The following PHACTR2 variants were observed in gnomAD, a reference collection of about 807,000 sequenced individuals.
PHACTR2 encodes phosphatase and actin regulator 2, also known as chromosome 6 open reading frame 56.
A neutral mutation model predicts 76.0 loss-of-function variants in PHACTR2; 30 were observed. The observed-to-expected ratio is 0.39, with a 90% CI of 0.30 to 0.54. PHACTR2 has a LOEUF of 0.54. PHACTR2 is among the 20% of genes least tolerant of loss of function. The probability of loss-of-function intolerance (pLI) is 0.61; values close to 1 mark genes in which losing one functional copy is unlikely to be tolerated. For synonymous variants in PHACTR2, 292 were observed against 292.5 expected (o/e 1.00, Z 0.02); for missense variants, 696 against 781.1 (o/e 0.89, Z 1.30).
At position 143,647,040 on chromosome 6, in the gene PHACTR2, A is replaced by T. The variant is rs1030637937; in HGVS notation, c.13+38718A>T. On this transcript the variant is annotated intron_variant, in intron 1 of 11. Transcript: ENST00000305766. This position sits in a 1 kb window ranked among gnomAD's most constrained non-coding sequence, Gnocchi z 4.2. ...ATTAAGTCTTCACCTTGCTGTCAGC[A>T]GTTACATTTTTTTCTAAGGGGTAAA... is the stretch of plus-strand genomic sequence containing the variant. 6.6e-6 allele frequency among the ~76,000 whole-genome samples: 1 copy of T among 152,212 alleles called. No homozygotes were observed. Among genetic ancestry groups the T allele is most frequent in the Non-Finnish European group, 1.5e-5 (1 of 68,028 alleles).
rs1256708360 is a variant in PHACTR2, at chr6:143,765,751, T to C, written c.1185T>C (p.Thr395=). The change falls in exon 6 of 13, where the codon ACT becomes ACC. Residue 395 remains threonine (T), a synonymous_variant. Transcript: ENST00000440869. The surrounding 1 kb of genome is among the most constrained non-coding windows in gnomAD (Gnocchi z 4.1). ...CTGAAGAGCCGACGAACAGAACCAC[T>C]CTCTACTCAGGCACTGGCTTAAGTG... ...LWAEEPTNRT[T]LYSGTGLSVN... 1 of 1,614,012 alleles carries C rather than the reference T, an allele frequency of 6.2e-7. No homozygotes were observed. Among genetic ancestry groups the C allele is most frequent in the African/African-American group, 1.3e-5 (1 of 74,904 alleles).
rs1582881306 is a variant in PHACTR2, at chr6:143,787,947, A to T, written c.1708-826A>T. On this transcript the variant is annotated intron_variant, in intron 10 of 12. Coordinates refer to ENST00000440869, the MANE Select transcript of PHACTR2 (RefSeq NM_001100164.2). This position sits in a 1 kb window ranked among gnomAD's most constrained non-coding sequence, Gnocchi z 4.6. ...CTAAGAAAGACCAAAATGGGAGTGA[A>T]CCTCCGTAGCAGAGAGTAGATAATG... is the stretch of plus-strand genomic sequence containing the variant. Among the ~76,000 whole-genome samples the T allele has an allele frequency of 6.6e-6, 1 of 151,992 alleles. No homozygotes were observed. The highest frequency in any genetic ancestry group is 1.5e-5 in the Non-Finnish European group (1 of 68,000).
Position 143,539,674 on chromosome 6 carries a change from A to G in PHACTR2, c.217+2467A>G, listed in dbSNP as rs1273415743. Among the ~76,000 whole-genome samples, 1 of 152,170 alleles carries G rather than the reference A, an allele frequency of 6.6e-6. No individual in the cohort carries two copies. Among genetic ancestry groups the G allele is most frequent in the Non-Finnish European group, 1.5e-5 (1 of 68,016 alleles). On this transcript the variant is annotated intron_variant, in intron 1 of 11. Transcript: ENST00000367584. This position sits in a 1 kb window ranked among gnomAD's most constrained non-coding sequence, Gnocchi z 4.3. ...ACACACAGAGGCAGCACCTAGAGCA[A>G]GGTCATGTGTGGCTTGCCAAAACAG... is the stretch of plus-strand genomic sequence containing the variant.
chr6:143,740,540 A>G (rs1489725760), intron 2 of PHACTR2, among the ~76,000 whole-genome samples: 2 of 151,682 alleles, frequency 1.3e-5, no homozygotes, highest in African/African-American at 4.8e-5. Flanking sequence ...AATAAAATGA[A>G]TATTTGTTCA....
Position 143,730,253 on chromosome 6 carries a change from T to C in PHACTR2, c.214+18070T>C, listed in dbSNP as rs560893002. Among the ~76,000 whole-genome samples the C allele has an allele frequency of 2.0e-5, 3 of 152,310 alleles. No individual in the cohort carries two copies. Among genetic ancestry groups the C allele is most frequent in the Admixed American group, 6.5e-5 (1 of 15,304 alleles). On this transcript the variant is annotated intron_variant, in intron 2 of 12. Transcript: ENST00000440869. This position sits in a 1 kb window ranked among gnomAD's most constrained non-coding sequence, Gnocchi z 4.8. ...ATTTTTATTTAAACTGCATTAAATCTATGCTGCAGTTTGGGTAGAACTGAT... is the reference window on the plus strand; with the variant it reads ...ATTTTTATTTAAACTGCATTAAATCCATGCTGCAGTTTGGGTAGAACTGAT...
upstream of PHACTR2, chr6:143,677,851 C>T (rs1448923720): frequency 9.7e-6 from 2 of 205,740 alleles, no homozygotes; most frequent in African/African-American, 4.8e-5. Context: ...TTCCCCCACC[C>T]CCTGCTCCTG....
At chr6:143,638,913 A>G (rs552434845) in intron 1 of PHACTR2, among the ~76,000 whole-genome samples, 1 of 152,332 alleles carries the variant, frequency 6.6e-6, no homozygotes, top group East Asian at 1.9e-4. Flanking sequence ...GTCCTTAATA[A>G]TCAGTAGTTT....
intron 1 of PHACTR2, among the ~76,000 whole-genome samples, chr6:143,699,712 G>A (rs1362064243): frequency 6.6e-6 from 1 of 152,126 alleles, no homozygotes; most frequent in Admixed American, 6.5e-5. Flanking sequence ...TAGAGGTTCA[G>A]GCCATGGAGT....
rs1776533272 is a variant in PHACTR2, at chr6:143,639,846, C to T, written c.13+31524C>T. ...TGATTTGATTTGCATTACATTTTCT[C>T]ACTGTAGTGCAATGAAATTAGAAGT... On this transcript the variant is annotated intron_variant, in intron 1 of 11. Coordinates refer to the PHACTR2 transcript ENST00000305766. This position sits in a 1 kb window ranked among gnomAD's most constrained non-coding sequence, Gnocchi z 5.0. 6.6e-6 allele frequency among the ~76,000 whole-genome samples: 1 copy of T among 152,178 alleles called. No homozygotes were observed. The highest frequency in any genetic ancestry group is 1.5e-5 in the Non-Finnish European group (1 of 68,024).
intron 4 of PHACTR2, among the ~76,000 whole-genome samples, chr6:143,758,651 A>C (rs6931825): frequency 0.13 from 20,004 of 152,120 alleles, 1,377 homozygotes; most frequent in Middle Eastern, 0.18. Context: ...AAAGGCAAAA[A>C]TACAAAATAG....
chr6:143,548,649 G>A lies in PHACTR2; in HGVS notation c.217+11442G>A, dbSNP rs907389275. On this transcript the variant is annotated intron_variant, in intron 1 of 11. Coordinates refer to the PHACTR2 transcript ENST00000367584. The surrounding 1 kb of genome is among the most constrained non-coding windows in gnomAD (Gnocchi z 4.5). ...GCAGGTGTGGAGAGCACAGTTCCTCGATGAGAGGTGGGGGACTGGGAAAAC... is the reference window on the plus strand; with the variant it reads ...GCAGGTGTGGAGAGCACAGTTCCTCAATGAGAGGTGGGGGACTGGGAAAAC... 2.6e-5 allele frequency among the ~76,000 whole-genome samples: 4 copies of A among 151,976 alleles called. No individual in the cohort carries two copies. The highest frequency in any genetic ancestry group is 2.1e-4 in the South Asian group (1 of 4,822).
chr6:143,741,376 C>T (rs1778938901), intron 2 of PHACTR2, among the ~76,000 whole-genome samples: 1 of 152,176 alleles, frequency 6.6e-6, no homozygotes, highest in South Asian at 2.1e-4. Flanking sequence ...GCCTGTAATC[C>T]CAGCTACTCA....
chr6:143,592,883 C>T lies in PHACTR2; in HGVS notation c.217+55676C>T, dbSNP rs1203651154. ...GCAAAATGGCGAAACCCTGTCTCTA[C>T]AAAAAATAAAAAAAAATAGCCGGAC... On this transcript the variant is annotated intron_variant, in intron 1 of 11. Transcript: ENST00000367584. The surrounding 1 kb of genome is among the most constrained non-coding windows in gnomAD (Gnocchi z 4.0). Among the ~76,000 whole-genome samples the T allele has an allele frequency of 6.6e-6, 1 of 151,258 alleles. No individual in the cohort carries two copies. Among genetic ancestry groups the T allele is most frequent in the East Asian group, 1.9e-4 (1 of 5,144 alleles).
chr6:143,693,412 A>G (rs1438233184), intron 1 of PHACTR2, among the ~76,000 whole-genome samples: 1 of 151,936 alleles, frequency 6.6e-6, no homozygotes, highest in Non-Finnish European at 1.5e-5. Flanking sequence ...TAATTTTTGT[A>G]TTTTTAGTAG....
Position 143,739,833 on chromosome 6 carries a change from C to A in PHACTR2, c.215-9152C>A, listed in dbSNP as rs1219706945. 6.6e-6 allele frequency among the ~76,000 whole-genome samples: 1 copy of A among 152,144 alleles called. No homozygotes were observed. The highest frequency in any genetic ancestry group is 2.4e-5 in the African/African-American group (1 of 41,432). On this transcript the variant is annotated intron_variant, in intron 2 of 12. Transcript: ENST00000440869. The surrounding 1 kb of genome is among the most constrained non-coding windows in gnomAD (Gnocchi z 4.3). ...TTCTGCTGTTTGCGCAGGTCTAAGA[C>A]AATCACCTCTTCCCTCCTCCCACCT...
rs1174087951 is a variant in PHACTR2, at chr6:143,743,366, C to T, written c.215-5619C>T. ...GGGACGGGTTGTAAAGCTTGGCTGCCGTTCCAAGTCCAGCTGGTTCCACAG... is the reference window on the plus strand; with the variant it reads ...GGGACGGGTTGTAAAGCTTGGCTGCTGTTCCAAGTCCAGCTGGTTCCACAG... On this transcript the variant is annotated intron_variant, in intron 2 of 12. Transcript: ENST00000440869. This position sits in a 1 kb window ranked among gnomAD's most constrained non-coding sequence, Gnocchi z 5.0. Among the ~76,000 whole-genome samples, 1 of 152,144 alleles carries T rather than the reference C, an allele frequency of 6.6e-6. No homozygotes were observed. Among genetic ancestry groups the T allele is most frequent in the African/African-American group, 2.4e-5 (1 of 41,428 alleles).
At position 143,772,413 on chromosome 6, in the gene PHACTR2, C is replaced by T; in HGVS notation, c.1388C>T (p.Thr463Ile). 2.5e-6 allele frequency: 4 copies of T among 1,614,008 alleles called. No homozygotes were observed. The highest frequency in any genetic ancestry group is 2.2e-5 in the East Asian group (1 of 44,882). Reference protein sequence around the residue: ...DSDSDGPILYTDDEDEDEDED... With the variant: ...DSDSDGPILYIDDEDEDEDED... ...GACTCGGACGGGCCTATCTTGTACA[C>T]CGATGATGAGGACGAAGACGAAGAT... The change falls in exon 7 of 13, where the codon ACC becomes ATC. Residue 463 changes from threonine to isoleucine, a missense_variant. Around this residue, in one of 2 missense-constraint regions of PHACTR2, gnomAD observed 236 missense variants for 330.2 expected, o/e 0.71. Transcript: ENST00000440869. This position sits in a 1 kb window ranked among gnomAD's most constrained non-coding sequence, Gnocchi z 5.4.
rs1323145754 is a variant in PHACTR2 at position 143,592,294 on chromosome 6, A to G, written c.217+55087A>G. Among the ~76,000 whole-genome samples, 1 of 152,204 alleles carries G rather than the reference A, an allele frequency of 6.6e-6. No homozygotes were observed. Among genetic ancestry groups the G allele is most frequent in the East Asian group, 1.9e-4 (1 of 5,190 alleles). Reference sequence around the variant, plus strand: ...CAAATGTAATGGGCAGGCTTGGATAACACCAATGGTAAGATGAACCATCCT... The same window carrying G: ...CAAATGTAATGGGCAGGCTTGGATAGCACCAATGGTAAGATGAACCATCCT... On this transcript the variant is annotated intron_variant, in intron 1 of 11. Coordinates refer to the PHACTR2 transcript ENST00000367584. This position sits in a 1 kb window ranked among gnomAD's most constrained non-coding sequence, Gnocchi z 4.0.
At chr6:143,691,830 G>T (rs1777650983) in intron 1 of PHACTR2, among the ~76,000 whole-genome samples, 1 of 152,202 alleles carries the variant, frequency 6.6e-6, no homozygotes, top group Non-Finnish European at 1.5e-5. Flanking sequence ...AGGAGGCTGA[G>T]CCCTTTTCCC....
Sources: gnomAD v4.1 joint callset for allele counts (sites outside exome capture counted in the v4.1 genomes callset) on GRCh38, gnomAD v4.1.1 for gene constraint, gnomAD v4.1.1 regional missense constraint, Gnocchi (gnomAD v3.1) non-coding constraint, MANE v1.5 for transcripts, NCBI Gene and HGNC (gene_info 2026-07-23, HGNC 2026-07-21) for gene names.